Variants in TNIP3 observed in about 807,000 individuals in gnomAD.
The protein encoded by TNIP3 is TNFAIP3-interacting protein 3.
Under a neutral mutation model 54.1 loss-of-function variants are expected in TNIP3, and 34 were observed. That is an observed-to-expected ratio of 0.63 (90% CI 0.48 to 0.84). TNIP3 has a LOEUF of 0.84. TNIP3 is among the 40% of genes least tolerant of loss of function. The pLI is 0.00. For synonymous variants in TNIP3, 134 were observed against 136.8 expected (o/e 0.98, Z 0.14); for missense variants, 366 against 387.6 (o/e 0.94, Z 0.47).
intron 2 of TNIP3, among the ~76,000 whole-genome samples, chr4:121,159,301 A>G (rs1431462903): frequency 6.6e-6 from 1 of 152,218 alleles, no homozygotes; most frequent in African/African-American, 2.4e-5. Flanking sequence ...AGTCTCAGGT[A>G]TATCTTGACA....
At chr4:121,139,605 C>A (rs1728993287) in intron 9 of TNIP3, among the ~76,000 whole-genome samples, 3 of 152,170 alleles carry the variant, frequency 2.0e-5, no homozygotes, top group South Asian at 4.2e-4. Context: ...CAACAGAGAG[C>A]ATTTACAAGG....
intron 2 of TNIP3, among the ~76,000 whole-genome samples, chr4:121,213,109 T>G (rs1462409134): frequency 6.6e-6 from 1 of 152,204 alleles, no homozygotes; most frequent in Non-Finnish European, 1.5e-5. Context: ...ATTTTCTTAA[T>G]GTCCACCAAT....
At chr4:121,180,579 T>C (rs1724634062) in intron 3 of TNIP3, among the ~76,000 whole-genome samples, 1 of 152,244 alleles carries the variant, frequency 6.6e-6, no homozygotes, top group Non-Finnish European at 1.5e-5. Context: ...GATGCTGTGA[T>C]CAATGAGCTT....
At chr4:121,156,538 A>C (rs1307200488) in intron 4 of TNIP3, among the ~76,000 whole-genome samples, 2 of 152,156 alleles carry the variant, frequency 1.3e-5, no homozygotes, top group Non-Finnish European at 2.9e-5. Context: ...TCTCATTTTT[A>C]ATATAGCAAA....
chr4:121,167,935 C>T (rs1221274268), upstream of TNIP3, among the ~76,000 whole-genome samples: 1 of 152,016 alleles, frequency 6.6e-6, no homozygotes, highest in Non-Finnish European at 1.5e-5. Flanking sequence ...TTCACCTGAC[C>T]TGTTTGATCA....
At chr4:121,150,589 A>G (rs1027544052) in intron 5 of TNIP3, among the ~76,000 whole-genome samples, 1 of 152,216 alleles carries the variant, frequency 6.6e-6, no homozygotes, top group African/African-American at 2.4e-5. Flanking sequence ...AGGGAAAATC[A>G]GAGGCAGCAA....
At chr4:121,162,365 C>T (rs1186662298) in intron 1 of TNIP3, among the ~76,000 whole-genome samples, 5 of 152,172 alleles carry the variant, frequency 3.3e-5, no homozygotes, top group Admixed American at 3.3e-4. Context: ...ATTAAGACCA[C>T]ATTTAAAAAG....
intron 1 of TNIP3, among the ~76,000 whole-genome samples, chr4:121,223,721 C>A (rs148273153): frequency 0.021 from 3,270 of 152,278 alleles, 76 homozygotes; most frequent in Admixed American, 0.035. Context: ...TTCTTAGCTT[C>A]CCTATCCATT....
chr4:121,165,667 G>GTGTC (rs926313107), upstream of TNIP3, among the ~76,000 whole-genome samples: 6 of 151,590 alleles, frequency 4.0e-5, no homozygotes, highest in African/African-American at 1.2e-4. Context: ...GTTTGTGTGT[G>GTGTC]TGTGTGTGTG....
chr4:121,207,580 C>T (rs1377937577), intron 2 of TNIP3, among the ~76,000 whole-genome samples: 3 of 152,100 alleles, frequency 2.0e-5, no homozygotes, highest in Non-Finnish European at 4.4e-5. Flanking sequence ...TTAATAAAAA[C>T]AATAAGCCTG....
intron 7 of TNIP3, among the ~76,000 whole-genome samples, chr4:121,144,882 G>C (rs994296748): frequency 2.6e-5 from 4 of 152,150 alleles, no homozygotes; most frequent in Middle Eastern, 3.2e-3. Flanking sequence ...TCATTGTACA[G>C]ATGAAGAAAA....
intron 2 of TNIP3, among the ~76,000 whole-genome samples, chr4:121,209,132 G>C (rs1726339028): frequency 6.6e-6 from 1 of 152,240 alleles, no homozygotes; most frequent in Admixed American, 6.5e-5. Context: ...AAGATGGCAG[G>C]TTTGTTAAGG....
At chr4:121,158,650 G>T in intron 3 of TNIP3, 37 bp downstream of exon 3, 2 of 1,539,274 alleles carry the variant, frequency 1.3e-6, no homozygotes, top group Non-Finnish European at 1.8e-6. Context: ...CAGGATAATG[G>T]CTTTAAAGAA....
intron 5 of TNIP3, among the ~76,000 whole-genome samples, chr4:121,153,216 G>A (rs554554304): frequency 2.0e-5 from 3 of 152,130 alleles, no homozygotes; most frequent in Admixed American, 2.0e-4. Flanking sequence ...CCGGAATGAT[G>A]AAAAATTGTA....
At chr4:121,175,131 T>C (rs1218674703) in intron 3 of TNIP3, among the ~76,000 whole-genome samples, 1 of 152,210 alleles carries the variant, frequency 6.6e-6, no homozygotes, top group Non-Finnish European at 1.5e-5. Flanking sequence ...TTCCTTAACA[T>C]TGTCATGAGT....
chr4:121,155,954 T>C (rs1375939877), intron 4 of TNIP3, among the ~76,000 whole-genome samples: 1 of 152,204 alleles, frequency 6.6e-6, no homozygotes, highest in African/African-American at 2.4e-5. Flanking sequence ...AAGCCAATTA[T>C]TTTCTAATTT....
At chr4:121,208,356 C>G (rs1164029242) in intron 2 of TNIP3, among the ~76,000 whole-genome samples, 1 of 152,118 alleles carries the variant, frequency 6.6e-6, no homozygotes, top group Non-Finnish European at 1.5e-5. Context: ...AGACCCTGAA[C>G]TCAATGTGTC....
Position 121,132,225 on chromosome 4 carries a change from C to CAA in TNIP3, c.*405_*406insTT, listed in dbSNP as rs1309713755. ...TTTTACCCCAGGAAACACACACACA[C>CAA]ACACACACACACACACACACACACA... is the stretch of plus-strand genomic sequence containing the variant. On this transcript the variant is annotated 3_prime_UTR_variant, in exon 11 of 11. Transcript: ENST00000057513. 6.3e-6 allele frequency: 1 copy of CAA among 157,668 alleles called. No individual in the cohort carries two copies. Among genetic ancestry groups the CAA allele is most frequent in the South Asian group, 2.0e-4 (1 of 5,126 alleles). 9.8% of individuals were successfully genotyped at this position (157,668 alleles called of 1,614,324 possible). A position where few individuals can be genotyped will look rare whatever the true frequency, so the allele number is the denominator to read the frequency against.
chr4:121,138,605 A>T lies in TNIP3; in HGVS notation c.946+19T>A. Reference sequence around the variant, plus strand: ...AAGATGTAAACATGAAAGAATGCTCAATACAGCTGTGGTCTCACCATTTGC... The same window carrying T: ...AAGATGTAAACATGAAAGAATGCTCTATACAGCTGTGGTCTCACCATTTGC... On this transcript the variant is annotated intron_variant, in intron 10 of 10. Transcript: ENST00000057513. 1.9e-6 allele frequency: 3 copies of T among 1,610,734 alleles called. No homozygotes were observed. Among genetic ancestry groups the T allele is most frequent in the Non-Finnish European group, 2.5e-6 (3 of 1,177,104 alleles).
Sources: allele counts gnomAD v4.1 joint callset (sites outside exome capture counted in the v4.1 genomes callset), GRCh38; gene constraint gnomAD v4.1.1; transcripts MANE v1.5; gene names NCBI Gene and HGNC (gene_info 2026-07-23, HGNC 2026-07-21).